CAMSAP3: variants seen among roughly 807,000 people sequenced by gnomAD.
The protein encoded by CAMSAP3 is calmodulin-regulated spectrin-associated protein 3.
In CAMSAP3, 34 loss-of-function variants were observed where a neutral mutation model predicts 112.5. The observed-to-expected ratio is 0.30, with a 90% CI of 0.23 to 0.40. CAMSAP3 has a LOEUF of 0.40. CAMSAP3 is among the 10% of genes least tolerant of loss of function. The pLI, the probability that CAMSAP3 is intolerant of heterozygous loss-of-function variation, is 1.00. For synonymous variants in CAMSAP3, 868 were observed against 799.8 expected (o/e 1.09, Z -1.44); for missense variants, 1,602 against 1,770.3 (o/e 0.90, Z 1.71).
chr19:7,596,214 G>GGGT (rs1568436217), intron 1 of CAMSAP3, 64 bp downstream of exon 1: 1 of 455,532 alleles, frequency 2.2e-6, no homozygotes, highest in African/African-American at 2.0e-5. Flanking sequence ...GCTGGGGGGG[G>GGGT]GCGGGGCGCC....
intron 2 of CAMSAP3, 76 bp downstream of exon 2, chr19:7,605,555 G>C: frequency 7.2e-7 from 1 of 1,393,272 alleles, no homozygotes; most frequent in Non-Finnish European, 9.3e-7. Context: ...CGCCAGTCCT[G>C]GCTCCTCCCA....
rs1218859814 is a variant in CAMSAP3, at chr19:7,616,722, C to A, written c.3212+100C>A. 7 of 816,992 alleles carry A rather than the reference C, an allele frequency of 8.6e-6. No homozygotes were observed. The Admixed American group carries it at 1.4e-4, about 16-fold the overall frequency. 50.6% of individuals were successfully genotyped at this position (816,992 alleles called of 1,614,324 possible). A position where few individuals can be genotyped will look rare whatever the true frequency, so the allele number is the denominator to read the frequency against. ...GGTGAACCTAGAGGGCGGTATGGCT[C>A]GAGTTTATGGATACGCCATGAAGAG... On this transcript the variant is annotated intron_variant, in intron 14 of 16. Transcript: ENST00000160298.
At chr19:7,608,717 C>T (rs948503231) in intron 5 of CAMSAP3, among the ~76,000 whole-genome samples, 1 of 151,722 alleles carries the variant, frequency 6.6e-6, no homozygotes, top group Admixed American at 6.6e-5. Context: ...TCACTGCAAC[C>T]TCCACCTCCC....
At position 7,607,855 on chromosome 19, in the gene CAMSAP3, G is replaced by A. The variant is rs2030296184; in HGVS notation, c.622-271G>A. 3.7e-6 allele frequency: 5 copies of A among 1,358,104 alleles called. No individual in the cohort carries two copies. Among genetic ancestry groups the A allele is most frequent in the Non-Finnish European group, 5.0e-6 (5 of 996,634 alleles). The allele number at this position is 1,358,104 out of a possible 1,614,324, so 84.1% of individuals were successfully genotyped here. A position where few individuals can be genotyped will look rare whatever the true frequency, so the allele number is the denominator to read the frequency against. ...GCCTTCTGTTTGAAGGAGTCGGGGA[G>A]CAAACCCCCCATGGTAATGTATCCC... On this transcript the variant is annotated intron_variant, in intron 4 of 16. Coordinates refer to ENST00000160298, the MANE Select transcript of CAMSAP3 (RefSeq NM_020902.2). This position sits in a 1 kb window ranked among gnomAD's most constrained non-coding sequence, Gnocchi z 4.9.
chr19:7,617,647 A>G lies in CAMSAP3; in HGVS notation c.3430A>G (p.Asn1144Asp). ...LAGKVNEPQK[N>D]RILEEIEKSK... ...GGGCAAGGTGAACGAACCGCAGAAG[A>G]ATCGCATTCTGGAGGTGAGCCCGCC... Residue 1144 changes from asparagine (N) to aspartate (D), a missense_variant, in exon 16 of 17, where the codon AAT (asparagine) becomes GAT (aspartate). Physicochemically the swap from Asn to Asp is conservative, Grantham distance 23 (BLOSUM62 1). Coordinates refer to ENST00000160298, the MANE Select transcript of CAMSAP3 (RefSeq NM_020902.2). This position sits in a 1 kb window ranked among gnomAD's most constrained non-coding sequence, Gnocchi z 7.5. The G allele has an allele frequency of 6.2e-7, 1 of 1,614,170 alleles. No homozygotes were observed. Among genetic ancestry groups the G allele is most frequent in the South Asian group, 1.1e-5 (1 of 91,084 alleles).
At position 7,613,112 on chromosome 19, in the gene CAMSAP3, G is replaced by A; in HGVS notation, c.2619G>A (p.Glu873=). The A allele has an allele frequency of 6.5e-7, 1 of 1,545,946 alleles. No individual in the cohort carries two copies. The highest frequency in any genetic ancestry group is 8.7e-7 in the Non-Finnish European group (1 of 1,145,750). ...SPAGAEDSLE[E]EASSEGEPRV... Reference sequence around the variant, plus strand: ...CTGGTGCTGAGGATTCCTTGGAGGAGGAGGCGTCTTCGGAGGGGGAGCCCC... The same window carrying A: ...CTGGTGCTGAGGATTCCTTGGAGGAAGAGGCGTCTTCGGAGGGGGAGCCCC... Residue 873 remains glutamate (E), a synonymous_variant, in exon 11 of 17, where the codon GAG becomes GAA. Coordinates refer to ENST00000160298, the MANE Select transcript of CAMSAP3 (RefSeq NM_020902.2).
chr19:7,613,070 G>C lies in CAMSAP3; in HGVS notation c.2577G>C (p.Glu859Asp). The stretch of plus-strand genomic sequence containing the variant: ...TGGCAGATCCCGCCGCCGAGGACGA[G>C]GGAGACGGGAGCCCCGCTGGTGCTG... Reference protein sequence around the residue: ...GSLADPAAEDEGDGSPAGAED... With the variant: ...GSLADPAAEDDGDGSPAGAED... Residue 859 changes from glutamate to aspartate, a missense_variant, in exon 11 of 17, where the codon GAG becomes GAC. Physicochemically the swap from Glu to Asp is conservative, Grantham distance 45 (BLOSUM62 2). Around this residue, in one of 6 missense-constraint regions of CAMSAP3, gnomAD observed 1,100 missense variants for 1,135.7 expected, o/e 0.97. Transcript: ENST00000160298. The C allele has an allele frequency of 6.5e-7, 1 of 1,547,850 alleles. No homozygotes were observed. Among genetic ancestry groups the C allele is most frequent in the Non-Finnish European group, 8.7e-7 (1 of 1,146,752 alleles).
intron 5 of CAMSAP3, among the ~76,000 whole-genome samples, chr19:7,608,511 A>C (rs1791231099): frequency 6.6e-6 from 1 of 152,016 alleles, no homozygotes; most frequent in African/African-American, 2.4e-5. Context: ...AAACGTATGG[A>C]GTGTGGACTG....
At chr19:7,596,713 G>T (rs2146148987) in intron 1 of CAMSAP3, among the ~76,000 whole-genome samples, 1 of 149,270 alleles carries the variant, frequency 6.7e-6, no homozygotes, top group East Asian at 2.1e-4. Flanking sequence ...CGACCGGGGA[G>T]CTCTGGGAAC....
At position 7,607,874 on chromosome 19, in the gene CAMSAP3, G is replaced by A; in HGVS notation, c.622-252G>A. ...CGGGGAGCAAACCCCCCATGGTAAT[G>A]TATCCCCCGCCCCGGGGTCCCAGGA... is the stretch of plus-strand genomic sequence containing the variant. On this transcript the variant is annotated intron_variant, in intron 4 of 16. Coordinates refer to ENST00000160298, the MANE Select transcript of CAMSAP3 (RefSeq NM_020902.2). The surrounding 1 kb of genome is among the most constrained non-coding windows in gnomAD (Gnocchi z 4.9). The A allele has an allele frequency of 3.5e-6, 4 of 1,159,178 alleles. No homozygotes were observed. Among genetic ancestry groups the A allele is most frequent in the Non-Finnish European group, 5.0e-6 (4 of 807,474 alleles). 71.8% of individuals were successfully genotyped at this position (1,159,178 alleles called of 1,614,324 possible). A position where few individuals can be genotyped will look rare whatever the true frequency, so the allele number is the denominator to read the frequency against.
rs2030207990 is a variant in CAMSAP3, at chr19:7,606,158, C to G, written c.403-113C>G. ...CTGGCCCCGCCCCCTCAAGCCCCAC[C>G]CCCCCCGTCAAGTCCCTCCCATCTG... On this transcript the variant is annotated intron_variant, in intron 2 of 16. Coordinates refer to ENST00000160298, the MANE Select transcript of CAMSAP3 (RefSeq NM_020902.2). 3 of 612,046 alleles carry G rather than the reference C, an allele frequency of 4.9e-6. No homozygotes were observed. In the South Asian group the frequency reaches 5.3e-5, roughly 11 times the overall value. 37.9% of individuals were successfully genotyped at this position (612,046 alleles called of 1,614,324 possible).
Position 7,605,291 on chromosome 19 carries a change from C to G in CAMSAP3, c.214C>G (p.Pro72Ala). The G allele has an allele frequency of 6.2e-7, 1 of 1,610,226 alleles. No homozygotes were observed. Among genetic ancestry groups the G allele is most frequent in the Non-Finnish European group, 8.5e-7 (1 of 1,178,184 alleles). The change falls in exon 2 of 17, where the codon CCC (proline) becomes GCC (alanine). Residue 72 changes from proline (P) to alanine (A), a missense_variant. Coordinates refer to ENST00000160298, the MANE Select transcript of CAMSAP3 (RefSeq NM_020902.2). ...CCAGTACGCGCAGGAGCATGTGAAGCCCCCGGTGACACGGCTGCTGCTCTC... is the reference window on the plus strand; with the variant it reads ...CCAGTACGCGCAGGAGCATGTGAAGGCCCCGGTGACACGGCTGCTGCTCTC... ...TDQYAQEHVK[P>A]PVTRLLLSAE...
rs559480154 is a variant in CAMSAP3, at chr19:7,616,947, T to TG, written c.3212+325_3212+326insG. ...TGTGTGGCCCGCCTTTTTTTTTTTT[T>TG]TTTTTTTTTTTGTTTTTTTGAGAGG... On this transcript the variant is annotated intron_variant, in intron 14 of 16. Coordinates refer to ENST00000160298, the MANE Select transcript of CAMSAP3 (RefSeq NM_020902.2). 6.1e-4 allele frequency among the ~76,000 whole-genome samples: 68 copies of TG among 112,392 alleles called. 1 individual carries two copies. The highest frequency in any genetic ancestry group is 1.9e-3 in the East Asian group (9 of 4,680). The allele number at this position is 112,392 out of a possible 152,430, so 73.7% of individuals were successfully genotyped here.
At chr19:7,602,810 G>T (rs2146159314) in intron 1 of CAMSAP3, among the ~76,000 whole-genome samples, 1 of 151,838 alleles carries the variant, frequency 6.6e-6, no homozygotes, top group East Asian at 1.9e-4. Flanking sequence ...GAAGAAGGAG[G>T]CACTGGGCAC....
At position 7,612,832 on chromosome 19, in the gene CAMSAP3, G is replaced by T; in HGVS notation, c.2339G>T (p.Ser780Ile). The change falls in exon 11 of 17, where the codon AGC becomes ATC. Residue 780 changes from serine (S) to isoleucine (I), a missense_variant. This residue lies in a region of CAMSAP3 where 1,100 missense variants were observed against 1,135.7 expected (regional missense o/e 0.97). Transcript: ENST00000160298. ...CCCGGGCCCAGCCAGTCACCCCGCA[G>T]CCCGAAACACACGCGGCCAGCGGAG... ...PGPGPSQSPR[S>I]PKHTRPAELR... 6.3e-7 allele frequency: 1 copy of T among 1,577,160 alleles called. No individual in the cohort carries two copies. The highest frequency in any genetic ancestry group is 8.6e-7 in the Non-Finnish European group (1 of 1,164,664).
At position 7,612,202 on chromosome 19, in the gene CAMSAP3, G is replaced by C; in HGVS notation, c.1709G>C (p.Arg570Pro). The change falls in exon 11 of 17, where the codon CGC becomes CCC. Residue 570 changes from arginine to proline, a missense_variant. This residue lies in a region of CAMSAP3 where 1,100 missense variants were observed against 1,135.7 expected (regional missense o/e 0.97). Coordinates refer to ENST00000160298, the MANE Select transcript of CAMSAP3 (RefSeq NM_020902.2). ...GTGAAAATGACCAGCTTTGCAGAAC[G>C]CAAGAAACAGCTGGTGAAGGCAGAG... ...SEVKMTSFAE[R>P]KKQLVKAEAE... 1 of 1,603,516 alleles carries C rather than the reference G, an allele frequency of 6.2e-7. No individual in the cohort carries two copies. The highest frequency in any genetic ancestry group is 8.5e-7 in the Non-Finnish European group (1 of 1,175,628).
At position 7,611,210 on chromosome 19, in the gene CAMSAP3, C is replaced by A. The variant is rs748584164; in HGVS notation, c.1123+42C>A. 9 of 1,582,142 alleles carry A rather than the reference C, an allele frequency of 5.7e-6. No individual in the cohort carries two copies. In the Admixed American group the frequency reaches 1.3e-4, roughly 24 times the overall value. On this transcript the variant is annotated intron_variant, in intron 9 of 16. Transcript: ENST00000160298. This position sits in a 1 kb window ranked among gnomAD's most constrained non-coding sequence, Gnocchi z 6.9. ...TGGCTTCTGTCACGGGGGACCCCCC[C>A]ACTCACAGACTGCCCCAGTGGGCCT...
chr19:7,615,318 G>A lies in CAMSAP3; in HGVS notation c.2806G>A (p.Ala936Thr), dbSNP rs747564511. ...VEKEQRREEA[A>T]RLAQEEAPGP... ...GAAGGAACAGCGGAGGGAGGAGGCC[G>A]CGAGGTGAGGCCGGGCCTGCCCGGG... The change falls in exon 12 of 17, where the codon GCG becomes ACG. Residue 936 changes from alanine to threonine, a missense_variant. Ala to Thr is a moderately conservative substitution (Grantham distance 58). Coordinates refer to ENST00000160298, the MANE Select transcript of CAMSAP3 (RefSeq NM_020902.2). The surrounding 1 kb of genome is among the most constrained non-coding windows in gnomAD (Gnocchi z 6.5). The A allele has an allele frequency of 5.8e-6, 9 of 1,544,702 alleles. No individual in the cohort carries two copies. The highest frequency in any genetic ancestry group is 7.9e-6 in the Non-Finnish European group (9 of 1,143,446).
At chr19:7,606,710 C>G in intron 4 of CAMSAP3, 139 bp downstream of exon 4, 6 of 1,606,844 alleles carry the variant, frequency 3.7e-6, no homozygotes, top group Non-Finnish European at 5.1e-6. Flanking sequence ...CTCTCTCAAT[C>G]TCTCTGTGCC....
Sources: gnomAD v4.1 joint callset for allele counts (sites outside exome capture counted in the v4.1 genomes callset) on GRCh38, gnomAD v4.1.1 for gene constraint, gnomAD v4.1.1 regional missense constraint, Gnocchi (gnomAD v3.1) non-coding constraint, MANE v1.5 for transcripts, NCBI Gene and HGNC (gene_info 2026-07-23, HGNC 2026-07-21) for gene names.